TIA1: variants seen among roughly 807,000 people sequenced by gnomAD.
TIA1 encodes the protein cytotoxic granule associated RNA binding protein TIA1.
Under a neutral mutation model 65.9 loss-of-function variants are expected in TIA1, and 23 were observed. That is an observed-to-expected ratio of 0.35 (90% CI 0.25 to 0.49). The LOEUF (loss-of-function observed/expected upper bound fraction) is 0.49. TIA1 is among the 20% of genes least tolerant of loss of function. The probability of loss-of-function intolerance (pLI) is 0.98; values close to 1 mark genes in which losing one functional copy is unlikely to be tolerated. For missense variants in TIA1, 371 were observed against 477.9 expected (o/e 0.78, Z 2.09); for synonymous variants, 147 against 149.4 (o/e 0.98, Z 0.12).
chr2:70,211,607 G>A lies in TIA1; in HGVS notation c.*1112C>T, dbSNP rs989841961. 4 of 152,304 alleles carry A rather than the reference G, an allele frequency of 2.6e-5. No individual in the cohort carries two copies. The highest frequency in any genetic ancestry group is 6.6e-5 in the Admixed American group (1 of 15,236). The allele number at this position is 152,304 out of a possible 1,614,324, so 9.4% of individuals were successfully genotyped here. A position where few individuals can be genotyped will look rare whatever the true frequency, so the allele number is the denominator to read the frequency against. On this transcript the variant is annotated 3_prime_UTR_variant, in exon 13 of 13. Transcript: ENST00000433529. ...TTTTGAGCAAATCTACCTAGAAAACGGCAAATTAATATATTCCTTTACATA... is the reference window on the plus strand; with the variant it reads ...TTTTGAGCAAATCTACCTAGAAAACAGCAAATTAATATATTCCTTTACATA...
rs765460029 is a variant in TIA1 at position 70,212,686 on chromosome 2, C to G, written c.*33G>C. On this transcript the variant is annotated 3_prime_UTR_variant, in exon 13 of 13. Transcript: ENST00000433529. ...GGCTTTACTACACTCCCTGTAGCCT[C>G]AAGCCACTGGCTTTAGATTCTGGAG... The G allele has an allele frequency of 1.4e-6, 2 of 1,402,432 alleles. No individual in the cohort carries two copies. The highest frequency in any genetic ancestry group is 1.2e-5 in the South Asian group (1 of 86,804). 86.9% of individuals were successfully genotyped at this position (1,402,432 alleles called of 1,614,324 possible). A position where few individuals can be genotyped will look rare whatever the true frequency, so the allele number is the denominator to read the frequency against.
intron 7 of TIA1, among the ~76,000 whole-genome samples, chr2:70,219,014 A>C (rs1029608111): frequency 6.6e-6 from 1 of 152,238 alleles, no homozygotes; most frequent in East Asian, 1.9e-4. Flanking sequence ...AGGAAAGAAA[A>C]GGGGAACAGG....
chr2:70,223,746 A>T (rs889139449), intron 7 of TIA1, among the ~76,000 whole-genome samples: 38 of 150,828 alleles, frequency 2.5e-4, no homozygotes, highest in African/African-American at 7.0e-4. Flanking sequence ...AAAAAAAATT[A>T]AAAAAAAAGT....
intron 1 of TIA1, among the ~76,000 whole-genome samples, chr2:70,241,474 C>T (rs954242046): frequency 2.0e-5 from 3 of 152,014 alleles, no homozygotes; most frequent in Non-Finnish European, 4.4e-5. Flanking sequence ...GACCAATGAA[C>T]TAGTGGTTTT....
At chr2:70,222,487 T>C (rs565043816) in intron 7 of TIA1, among the ~76,000 whole-genome samples, 11 of 152,162 alleles carry the variant, frequency 7.2e-5, no homozygotes, top group Non-Finnish European at 1.6e-4. Context: ...TCCTAGCATG[T>C]AGAACATAGG....
chr2:70,235,275 T>A (rs536506071), intron 2 of TIA1, among the ~76,000 whole-genome samples: 1 of 151,802 alleles, frequency 6.6e-6, no homozygotes, highest in Non-Finnish European at 1.5e-5. Flanking sequence ...ATTAGCCAGG[T>A]GTAGTGGCGC....
intron 2 of TIA1, among the ~76,000 whole-genome samples, chr2:70,234,911 A>G (rs1404345488): frequency 6.6e-6 from 1 of 152,146 alleles, no homozygotes; most frequent in Admixed American, 6.6e-5. Flanking sequence ...CTGGAATACA[A>G]CAGGAAAGAA....
rs1456847282 is a variant in TIA1, at chr2:70,224,945, T to TA, written c.399-317dup. 5.5e-6 allele frequency: 6 copies of TA among 1,082,202 alleles called. No individual in the cohort carries two copies. In the African/African-American group the frequency reaches 1.0e-4, roughly 18 times the overall value. The allele number at this position is 1,082,202 out of a possible 1,614,324, so 67.0% of individuals were successfully genotyped here. A position where few individuals can be genotyped will look rare whatever the true frequency, so the allele number is the denominator to read the frequency against. On this transcript the variant is annotated intron_variant, in intron 6 of 12. Transcript: ENST00000433529. ...CTCACATGAACTACTTAACCACTTA[T>TA]AAAGTTCACAGGACATTAGATGAAT...
chr2:70,242,041 T>G (rs920553267), intron 1 of TIA1, among the ~76,000 whole-genome samples: 8 of 152,128 alleles, frequency 5.3e-5, no homozygotes, highest in African/African-American at 1.9e-4. Flanking sequence ...GTGGAAAAAT[T>G]GGAATAAAGC....
intron 1 of TIA1, among the ~76,000 whole-genome samples, chr2:70,239,185 TGAGTTCAC>T: frequency 6.6e-6 from 1 of 152,248 alleles, no homozygotes; most frequent in South Asian, 2.1e-4. Context: ...CTCCGCCTCC[TGAGTTCAC>T]GCCATTCTCC....
chr2:70,217,886 T>C (rs1167377768), intron 7 of TIA1, among the ~76,000 whole-genome samples: 1 of 152,172 alleles, frequency 6.6e-6, no homozygotes, highest in African/African-American at 2.4e-5. Flanking sequence ...ATGAGGTAGA[T>C]ATCATAAAGT....
At chr2:70,226,161 AG>A (rs985080057) in intron 6 of TIA1, among the ~76,000 whole-genome samples, 19 of 152,144 alleles carry the variant, frequency 1.2e-4, no homozygotes, top group Non-Finnish European at 1.0e-4. Context: ...AGAAAAAAAA[AG>A]TATACACCAA....
chr2:70,235,567 T>TGTGTGTGTGG (rs1208348666), intron 2 of TIA1, among the ~76,000 whole-genome samples: 2 of 151,960 alleles, frequency 1.3e-5, no homozygotes, highest in African/African-American at 4.8e-5. Flanking sequence ...TGTGTGTGTG[T>TGTGTGTGTGG]GTGTATGTGT....
chr2:70,241,041 A>C (rs983176371), intron 1 of TIA1, among the ~76,000 whole-genome samples: 4 of 152,226 alleles, frequency 2.6e-5, no homozygotes, highest in Admixed American at 2.6e-4. Context: ...CCACAGTAAT[A>C]ATTTCTAAAG....
intron 1 of TIA1, among the ~76,000 whole-genome samples, chr2:70,239,102 A>T (rs1005212663): frequency 2.0e-5 from 3 of 152,160 alleles, no homozygotes; most frequent in African/African-American, 7.2e-5. Context: ...CTATTTATTC[A>T]TTTATTTAGA....
At position 70,212,215 on chromosome 2, in the gene TIA1, A is replaced by G. The variant is rs1488525405; in HGVS notation, c.*504T>C. The G allele has an allele frequency of 6.5e-6, 1 of 152,804 alleles. No individual in the cohort carries two copies. Among genetic ancestry groups the G allele is most frequent in the African/African-American group, 2.4e-5 (1 of 41,468 alleles). 9.5% of individuals were successfully genotyped at this position (152,804 alleles called of 1,614,324 possible). A position where few individuals can be genotyped will look rare whatever the true frequency, so the allele number is the denominator to read the frequency against. ...TATTAAAAAACCCCAAAGGGATAAC[A>G]GTGGAGATGGGACAGCTCAAACAAT... On this transcript the variant is annotated 3_prime_UTR_variant, in exon 13 of 13. Coordinates refer to ENST00000433529, the MANE Select transcript of TIA1 (RefSeq NM_022173.4).
intron 7 of TIA1, among the ~76,000 whole-genome samples, chr2:70,220,601 T>C (rs1680843799): frequency 6.6e-6 from 1 of 152,088 alleles, no homozygotes; most frequent in African/African-American, 2.4e-5. Flanking sequence ...TGCTGACACC[T>C]TGATTGTGAA....
intron 6 of TIA1, chr2:70,225,419 T>C (rs1683381904): frequency 7.8e-7 from 1 of 1,287,512 alleles, no homozygotes; most frequent in Non-Finnish European, 1.0e-6. Flanking sequence ...AGCCCTATTA[T>C]TTGAGATTGA....
chr2:70,219,853 T>G (rs1203688151), intron 7 of TIA1, among the ~76,000 whole-genome samples: 3 of 151,628 alleles, frequency 2.0e-5, no homozygotes, highest in Non-Finnish European at 2.9e-5. Context: ...GTTCTGTTAT[T>G]ACAGGAATGA....
Sources: allele counts gnomAD v4.1 joint callset (sites outside exome capture counted in the v4.1 genomes callset), GRCh38; gene constraint gnomAD v4.1.1; transcripts MANE v1.5; gene names NCBI Gene and HGNC (gene_info 2026-07-23, HGNC 2026-07-21).